SPAG16: variants seen among roughly 807,000 people sequenced by gnomAD.
The protein encoded by SPAG16 is sperm-associated antigen 16 protein.
A neutral mutation model predicts 80.4 loss-of-function variants in SPAG16; 86 were observed. The observed-to-expected ratio is 1.07, with a 90% CI of 0.90 to 1.28. The LOEUF is 1.28. Ranked by LOEUF, SPAG16 falls within the 50% of genes most tolerant of loss-of-function variation. The pLI is 0.00. For missense variants in SPAG16, 870 were observed against 765.3 expected (o/e 1.14, Z -1.61); for synonymous variants, 294 against 265.9 (o/e 1.11, Z -1.03).
intron 15 of SPAG16, among the ~76,000 whole-genome samples, chr2:214,195,335 A>AG (rs1553522804): frequency 1.3e-5 from 2 of 151,882 alleles, no homozygotes; most frequent in Non-Finnish European, 1.5e-5. Context: ...ATAGATAGAT[A>AG]TTTGAGAGAT....
intron 10 of SPAG16, among the ~76,000 whole-genome samples, chr2:213,732,330 G>GC (rs369112629): frequency 0.036 from 2,899 of 80,610 alleles, 89 homozygotes; most frequent in African/African-American, 0.094. Context: ...ATTCACGATT[G>GC]CCCCCCCCGC....
At chr2:213,703,699 G>A (rs1260643340) in intron 10 of SPAG16, among the ~76,000 whole-genome samples, 1 of 152,164 alleles carries the variant, frequency 6.6e-6, no homozygotes, top group African/African-American at 2.4e-5. Context: ...TTGAGCGGAG[G>A]TCATGCTCTC....
chr2:213,299,826 C>T (rs574331897), intron 3 of SPAG16, among the ~76,000 whole-genome samples: 3 of 151,968 alleles, frequency 2.0e-5, no homozygotes, highest in Admixed American at 2.0e-4. Flanking sequence ...TCAGTAGTTT[C>T]TTGAAATTTA....
intron 10 of SPAG16, among the ~76,000 whole-genome samples, chr2:213,675,345 C>T (rs1178861061): frequency 1.3e-5 from 2 of 152,124 alleles, no homozygotes; most frequent in Admixed American, 6.5e-5. Flanking sequence ...TGCCTGTTCA[C>T]TCTGATGGTA....
At chr2:213,746,039 G>T (rs755484215) in intron 10 of SPAG16, among the ~76,000 whole-genome samples, 2 of 152,160 alleles carry the variant, frequency 1.3e-5, no homozygotes, top group Non-Finnish European at 2.9e-5. Context: ...ACATTTAATT[G>T]ACTAAGTTCC....
chr2:214,068,204 T>C lies in SPAG16; in HGVS notation c.1528-39992T>C, dbSNP rs1275040895. Among the ~76,000 whole-genome samples, 25 of 152,098 alleles carry C rather than the reference T, an allele frequency of 1.6e-4. 1 individual carries two copies. Among genetic ancestry groups the C allele is most frequent in the Admixed American group, 1.6e-3 (25 of 15,258 alleles). On this transcript the variant is annotated intron_variant, in intron 13 of 15. Transcript: ENST00000331683. The stretch of plus-strand genomic sequence containing the variant: ...TTCATAACAAGAGATCATACAAATA[T>C]TGGGATGATAAATAATATGTGACTG...
At chr2:213,653,885 C>T (rs1574660877) in intron 10 of SPAG16, among the ~76,000 whole-genome samples, 2 of 152,200 alleles carry the variant, frequency 1.3e-5, no homozygotes, top group Middle Eastern at 6.9e-3. Flanking sequence ...CTTTTCCATA[C>T]AACAGCTAAA....
intron 10 of SPAG16, among the ~76,000 whole-genome samples, chr2:213,811,946 A>G (rs2072184382): frequency 6.6e-6 from 1 of 152,110 alleles, no homozygotes; most frequent in South Asian, 2.1e-4. Context: ...CAAGCAGAGA[A>G]CACAGAAAGA....
At chr2:214,040,962 C>A (rs1157168880) in intron 13 of SPAG16, among the ~76,000 whole-genome samples, 1 of 152,008 alleles carries the variant, frequency 6.6e-6, no homozygotes, top group Non-Finnish European at 1.5e-5. Context: ...TCCTTGGAGA[C>A]TCCAGTTATA....
chr2:214,108,225 C>T lies in SPAG16; in HGVS notation c.1557C>T (p.His519=), dbSNP rs1243355193. 3 of 1,602,484 alleles carry T rather than the reference C, an allele frequency of 1.9e-6. No individual in the cohort carries two copies. The highest frequency in any genetic ancestry group is 1.7e-5 in the Admixed American group (1 of 59,754). The stretch of plus-strand genomic sequence containing the variant: ...TATGTGAGCAGTCACTTTATGGTCA[C>T]ATGCATTCTATCAATGATGCCATTT... ...TGICEQSLYG[H]MHSINDAIFD... The change falls in exon 14 of 16, where the codon CAC becomes CAT. Residue 519 remains histidine (H), a synonymous_variant. Transcript: ENST00000331683.
intron 15 of SPAG16, among the ~76,000 whole-genome samples, chr2:214,360,893 A>G (rs894971171): frequency 6.6e-6 from 1 of 151,778 alleles, no homozygotes; most frequent in African/African-American, 2.4e-5. Flanking sequence ...AAAGCGAGGA[A>G]TGTAGTCAAT....
intron 3 of SPAG16, among the ~76,000 whole-genome samples, chr2:213,309,467 T>G (rs2063090371): frequency 6.6e-6 from 1 of 152,122 alleles, no homozygotes; most frequent in East Asian, 1.9e-4. Context: ...AAATGATAAT[T>G]AAAAGCATTA....
chr2:213,900,401 ATAAT>A (rs2077172554), intron 11 of SPAG16, among the ~76,000 whole-genome samples: 1 of 152,176 alleles, frequency 6.6e-6, no homozygotes, highest in Admixed American at 6.5e-5. Flanking sequence ...CGATATTAAA[ATAAT>A]TAAGTTCAAA....
At chr2:214,218,266 G>A (rs960206637) in intron 15 of SPAG16, among the ~76,000 whole-genome samples, 1 of 152,128 alleles carries the variant, frequency 6.6e-6, no homozygotes, top group Non-Finnish European at 1.5e-5. Context: ...AAAAGGGACG[G>A]CCTCGAGGTC....
At chr2:213,895,040 A>G (rs2076942356) in intron 11 of SPAG16, among the ~76,000 whole-genome samples, 2 of 151,258 alleles carry the variant, frequency 1.3e-5, no homozygotes, top group South Asian at 2.1e-4. Flanking sequence ...CTACCAAAAA[A>G]CAGTAAGAAT....
chr2:214,274,259 C>T (rs983681760), intron 15 of SPAG16, among the ~76,000 whole-genome samples: 2 of 152,162 alleles, frequency 1.3e-5, no homozygotes, highest in African/African-American at 4.8e-5. Flanking sequence ...ATTTGACTTC[C>T]TCTTTTCCTA....
intron 10 of SPAG16, among the ~76,000 whole-genome samples, chr2:213,794,696 T>C (rs1439566763): frequency 6.6e-6 from 1 of 152,166 alleles, no homozygotes; most frequent in South Asian, 2.1e-4. Context: ...CTTTGTTATT[T>C]AGTAACTTTT....
At chr2:213,352,550 G>A (rs1034560800) in intron 7 of SPAG16, among the ~76,000 whole-genome samples, 4 of 152,124 alleles carry the variant, frequency 2.6e-5, no homozygotes, top group African/African-American at 7.2e-5. Context: ...CTCCTTGATG[G>A]TTTAGTGGAA....
rs73088747 is a variant in SPAG16 at position 213,826,339 on chromosome 2, G to A, written c.1071-36146G>A. On this transcript the variant is annotated intron_variant, in intron 10 of 15. Transcript: ENST00000331683. ...GTTCTTTAAGATACATCATGAGGTT[G>A]TTTATGTGTAGTTTTTCTTTTTTGA... is the stretch of plus-strand genomic sequence containing the variant. Among the ~76,000 whole-genome samples the A allele has an allele frequency of 4.3e-3, 649 of 151,734 alleles. 5 individuals carry two copies. Among genetic ancestry groups the A allele is most frequent in the African/African-American group, 0.015 (624 of 41,474 alleles).
Sources: allele counts gnomAD v4.1 joint callset (sites outside exome capture counted in the v4.1 genomes callset), GRCh38; gene constraint gnomAD v4.1.1; transcripts MANE v1.5; gene names NCBI Gene and HGNC (gene_info 2026-07-23, HGNC 2026-07-21).